Variants in SGIP1 observed in about 807,000 individuals in gnomAD.
The protein encoded by SGIP1 is SH3GL interacting endocytic adaptor 1, also known as SH3-containing GRB2-like protein 3-interacting protein 1.
Under a neutral mutation model 107.5 loss-of-function variants are expected in SGIP1, and 38 were observed. The ratio of observed to expected loss-of-function variants is 0.35; its 90% confidence interval spans 0.27 to 0.46. SGIP1 has a LOEUF of 0.46. SGIP1 is among the 20% of genes least tolerant of loss of function. The pLI is 1.00. For missense variants in SGIP1, 929 were observed against 1,019.5 expected, an observed-to-expected ratio of 0.91 and a Z score of 1.21; for synonymous variants, 365 against 366.1, an observed-to-expected ratio of 1.00 and a Z score of 0.03.
chr1:66,638,692 C>T (rs11208934), intron 4 of SGIP1, among the ~76,000 whole-genome samples: 42,590 of 152,066 alleles, frequency 0.28, 6,092 homozygotes, highest in African/African-American at 0.3. Context: ...TCAATGATAA[C>T]GATTATTCTG....
chr1:66,654,457 A>G (rs530296033), intron 7 of SGIP1, among the ~76,000 whole-genome samples: 1 of 152,208 alleles, frequency 6.6e-6, no homozygotes, highest in Non-Finnish European at 1.5e-5. Flanking sequence ...ATCAATGATT[A>G]TCTTTCTTGT....
chr1:66,614,237 A>G lies in SGIP1; in HGVS notation c.11-11610A>G, dbSNP rs533819318. 9.8e-5 allele frequency among the ~76,000 whole-genome samples: 15 copies of G among 152,344 alleles called. No individual in the cohort carries two copies. In the South Asian group the frequency reaches 3.1e-3, roughly 32 times the overall value. ...TGAAGGGATGGCTTAATAAATCTGC[A>G]AGCCTGCCAAGGGTTAATTTTCCAA... On this transcript the variant is annotated intron_variant, in intron 1 of 24. Transcript: ENST00000371037.
intron 1 of SGIP1, among the ~76,000 whole-genome samples, chr1:66,600,867 A>C (rs146969615): frequency 6.6e-6 from 1 of 152,322 alleles, no homozygotes; most frequent in African/African-American, 2.4e-5. Flanking sequence ...TGGAACAGGT[A>C]AGATACCAAA....
chr1:66,695,526 T>C, intron 18 of SGIP1, 33 bp downstream of exon 18: 10 of 1,598,978 alleles, frequency 6.3e-6, no homozygotes, highest in Non-Finnish European at 8.6e-6. Flanking sequence ...GATTCTAATT[T>C]ATACTCCTCC....
At chr1:66,657,523 A>C (rs2080027523) in intron 7 of SGIP1, among the ~76,000 whole-genome samples, 1 of 152,226 alleles carries the variant, frequency 6.6e-6, no homozygotes, top group Non-Finnish European at 1.5e-5. Context: ...GTCCTCAACA[A>C]AACCTAACTT....
Position 66,747,140 on chromosome 1 carries a change from T to C in SGIP1, c.*4045T>C, listed in dbSNP as rs1225791343. 2 of 152,080 alleles carry C rather than the reference T, an allele frequency of 1.3e-5. No individual in the cohort carries two copies. The highest frequency in any genetic ancestry group is 2.9e-5 in the Non-Finnish European group (2 of 67,938). The allele number at this position is 152,080 out of a possible 1,614,324, so 9.4% of individuals were successfully genotyped here. On this transcript the variant is annotated 3_prime_UTR_variant, in exon 25 of 25. Transcript: ENST00000371037. Reference sequence around the variant, plus strand: ...AAGGAAACATGTATAATCAAGTTCATACAAGCTATACACAGTAGGCATCGA... The same window carrying C: ...AAGGAAACATGTATAATCAAGTTCACACAAGCTATACACAGTAGGCATCGA...
intron 1 of SGIP1, among the ~76,000 whole-genome samples, chr1:66,566,887 G>A (rs1428192022): frequency 1.3e-5 from 2 of 151,826 alleles, no homozygotes; most frequent in African/African-American, 4.8e-5. Context: ...ACAGGGTCCG[G>A]TGTGTGATGT....
chr1:66,682,387 G>A lies in SGIP1; in HGVS notation c.1315+18G>A. On this transcript the variant is annotated intron_variant, in intron 15 of 24. Transcript: ENST00000371037. Reference sequence around the variant, plus strand: ...CACCAGTGGTATGTCTTATGCTTGAGTGTGCTTCTTGTGACGGGGAATGGC... The same window carrying A: ...CACCAGTGGTATGTCTTATGCTTGAATGTGCTTCTTGTGACGGGGAATGGC... The A allele has an allele frequency of 1.3e-6, 2 of 1,587,830 alleles. No homozygotes were observed. The highest frequency in any genetic ancestry group is 1.2e-5 in the South Asian group (1 of 86,588).
At chr1:66,654,518 T>A (rs369310131) in intron 7 of SGIP1, among the ~76,000 whole-genome samples, 104 of 152,124 alleles carry the variant, frequency 6.8e-4, no homozygotes, top group African/African-American at 2.3e-3. Context: ...ATGTGAATAA[T>A]AGTATAAATA....
intron 18 of SGIP1, among the ~76,000 whole-genome samples, chr1:66,708,563 G>C (rs901232564): frequency 6.6e-6 from 1 of 152,082 alleles, no homozygotes. Flanking sequence ...TATTTTTGTT[G>C]AATACATGTG....
chr1:66,638,951 G>A (rs879172082), intron 4 of SGIP1, among the ~76,000 whole-genome samples: 5 of 152,194 alleles, frequency 3.3e-5, no homozygotes, highest in Admixed American at 1.3e-4. Flanking sequence ...CTTTACCAAC[G>A]TGATTTGTGT....
At chr1:66,633,509 T>A (rs1019526159) in intron 3 of SGIP1, among the ~76,000 whole-genome samples, 1 of 152,216 alleles carries the variant, frequency 6.6e-6, no homozygotes, top group African/African-American at 2.4e-5. Context: ...CCTTTAGTAG[T>A]TGTGCTGCAG....
chr1:66,617,253 T>C (rs1242873960), intron 1 of SGIP1, among the ~76,000 whole-genome samples: 1 of 152,210 alleles, frequency 6.6e-6, no homozygotes, highest in South Asian at 2.1e-4. Flanking sequence ...TCCTGGCACT[T>C]GCCTTTATGA....
At chr1:66,631,100 A>AAAG (rs149222467) in intron 2 of SGIP1, among the ~76,000 whole-genome samples, 5,048 of 130,386 alleles carry the variant, frequency 0.039, 108 homozygotes, top group Non-Finnish European at 0.059. Flanking sequence ...AGAAAGAAAG[A>AAAG]AAAAAAGAAA....
At chr1:66,659,569 T>G (rs187388907) in intron 7 of SGIP1, among the ~76,000 whole-genome samples, 58 of 152,268 alleles carry the variant, frequency 3.8e-4, no homozygotes, top group African/African-American at 1.3e-3. Flanking sequence ...AGGCATAATT[T>G]TTTTATTGTC....
intron 1 of SGIP1, among the ~76,000 whole-genome samples, chr1:66,563,708 C>A (rs1360949521): frequency 6.6e-6 from 1 of 151,970 alleles, no homozygotes; most frequent in Non-Finnish European, 1.5e-5. Flanking sequence ...CCCCACCCCC[C>A]TCCACCCAAG....
At chr1:66,595,294 C>T (rs11811895) in intron 1 of SGIP1, among the ~76,000 whole-genome samples, 7,728 of 151,604 alleles carry the variant, frequency 0.051, 602 homozygotes, top group African/African-American at 0.17. Flanking sequence ...CAACTGGGTT[C>T]TCTTCCTGCT....
chr1:66,715,200 GAAT>G (rs1422438752), intron 18 of SGIP1, among the ~76,000 whole-genome samples: 2 of 152,040 alleles, frequency 1.3e-5, no homozygotes, highest in Admixed American at 1.3e-4. Flanking sequence ...AATGTTTGTA[GAAT>G]AACAAATAGT....
rs1291308977 is a variant in SGIP1 at position 66,589,221 on chromosome 1, AGGCTTG to A, written c.11-36623_11-36618del. Among the ~76,000 whole-genome samples the A allele has an allele frequency of 4.5e-5, 3 of 67,176 alleles. 1 individual carries two copies. The highest frequency in any genetic ancestry group is 8.4e-5 in the Non-Finnish European group (3 of 35,790). The allele number at this position is 67,176 out of a possible 152,430, so 44.1% of individuals were successfully genotyped here. On this transcript the variant is annotated intron_variant, in intron 1 of 24. Transcript: ENST00000371037. ...ATATATATATATATATATATATGTA[AGGCTTG>A]GGGTAAAGAGAAGGTGAAGGATTCA...
Sources: allele counts gnomAD v4.1 joint callset (sites outside exome capture counted in the v4.1 genomes callset), GRCh38; gene constraint gnomAD v4.1.1; transcripts MANE v1.5; gene names NCBI Gene and HGNC (gene_info 2026-07-23, HGNC 2026-07-21).